Variants in PPAT observed in about 807,000 individuals in gnomAD.
PPAT encodes amidophosphoribosyltransferase.
In PPAT, 20 loss-of-function variants were observed where a neutral mutation model predicts 60.2. The ratio of observed to expected loss-of-function variants is 0.33; its 90% CI spans 0.23 to 0.48. The LOEUF is 0.48. PPAT is among the 20% of genes least tolerant of loss of function. The pLI is 0.99. For missense variants in PPAT, 349 were observed against 629.6 expected, an observed-to-expected ratio of 0.55 and a Z score of 4.77; for synonymous variants, 194 against 215.1, an observed-to-expected ratio of 0.90 and a Z score of 0.86.
rs770028075 is a variant in PPAT, at chr4:56,396,739, C to T, written c.1237G>A (p.Val413Ile). Residue 413 changes from valine to isoleucine, a missense_variant and splice_region_variant, in exon 10 of 11, where the codon GTA becomes ATA. Around this residue, in one of 5 missense-constraint regions of PPAT, gnomAD observed 167 missense variants for 328.6 expected, o/e 0.51. Transcript: ENST00000264220. This position sits in a 1 kb window ranked among gnomAD's most constrained non-coding sequence, Gnocchi z 4.6. Reference protein sequence around the residue: ...KLLKESGAKEVHIRVASPPIK... With the variant: ...KLLKESGAKEIHIRVASPPIK... ...GGTGGTGAAGCTACTCGAATGTGTA[C>T]CTTGGAAAGAAATCATTGCACACAA... The T allele has an allele frequency of 6.2e-7, 1 of 1,607,084 alleles. No individual in the cohort carries two copies.
At chr4:56,434,641 T>C (rs1170593207) in intron 1 of PPAT, among the ~76,000 whole-genome samples, 1 of 152,230 alleles carries the variant, frequency 6.6e-6, no homozygotes, top group African/African-American at 2.4e-5. Context: ...GAGTTAATTT[T>C]TGTCATGTTA....
chr4:56,432,434 G>T (rs557760845), intron 1 of PPAT, among the ~76,000 whole-genome samples: 2 of 147,882 alleles, frequency 1.4e-5, no homozygotes, highest in East Asian at 4.1e-4. Flanking sequence ...AGACAGGTAC[G>T]AGAATCACTT....
chr4:56,412,492 G>T (rs555511417), intron 1 of PPAT, among the ~76,000 whole-genome samples: 2 of 152,096 alleles, frequency 1.3e-5, no homozygotes, highest in South Asian at 4.2e-4. Context: ...TGTGGGATGG[G>T]TTTCCCACCA....
chr4:56,408,900 G>A (rs1229161153), intron 1 of PPAT, among the ~76,000 whole-genome samples: 1 of 152,076 alleles, frequency 6.6e-6, no homozygotes, highest in Non-Finnish European at 1.5e-5. Flanking sequence ...TCAAACTGCT[G>A]TAACTGGGCG....
At position 56,395,469 on chromosome 4, in the gene PPAT, T is replaced by C. The variant is rs1251994805; in HGVS notation, c.1437A>G (p.Lys479=). The part of the protein sequence containing the change: ...VQEGIKFKKQ[K]EKKHDIMIQE... ...GGATCATAATATCGTGCTTTTTCTC[T>C]TTCTGTTTTTTAAACTTTATCCCTT... The change falls in exon 11 of 11, where the codon AAA becomes AAG. Residue 479 remains lysine (K), a synonymous_variant. Coordinates refer to ENST00000264220, the MANE Select transcript of PPAT (RefSeq NM_002703.5). 1.3e-5 allele frequency: 21 copies of C among 1,612,546 alleles called. No homozygotes were observed. The highest frequency in any genetic ancestry group is 1.5e-5 in the Non-Finnish European group (18 of 1,179,270).
rs767352428 is a variant in PPAT, at chr4:56,395,428, C to G, written c.1478G>C (p.Gly493Ala). The G allele has an allele frequency of 6.2e-7, 1 of 1,611,834 alleles. No homozygotes were observed. The highest frequency in any genetic ancestry group is 2.2e-5 in the East Asian group (1 of 44,738). ...ACCACTCTTTTCAAAACATTCCAGA[C>G]CATTTCCATTTTCTTGGATCATAAT... ...HDIMIQENGN[G>A]LECFEKSGHC... The change falls in exon 11 of 11, where the codon GGT becomes GCT. Residue 493 changes from glycine to alanine, a missense_variant. Transcript: ENST00000264220.
chr4:56,419,529 G>A, intron 1 of PPAT: 1 of 313,266 alleles, frequency 3.2e-6, no homozygotes, highest in Non-Finnish European at 4.6e-6. Context: ...GGAGGAAACT[G>A]CTTTCTTTAA....
In PPAT at chr4:56,435,522, G is replaced by T. The variant is rs1273840487; in HGVS notation, c.-45C>A. On this transcript the variant is annotated 5_prime_UTR_variant, in exon 1 of 11. Transcript: ENST00000264220. Reference sequence around the variant, plus strand: ...GGAAGGACCTGCCGCTGCGGCCAAGGTGTAAGCACCAACCAGCTGCCAGCT... The same window carrying T: ...GGAAGGACCTGCCGCTGCGGCCAAGTTGTAAGCACCAACCAGCTGCCAGCT... The T allele has an allele frequency of 6.2e-7, 1 of 1,611,910 alleles. No individual in the cohort carries two copies. Among genetic ancestry groups the T allele is most frequent in the African/African-American group, 1.3e-5 (1 of 74,872 alleles).
chr4:56,432,640 C>T (rs960524812), intron 1 of PPAT, among the ~76,000 whole-genome samples: 1 of 151,238 alleles, frequency 6.6e-6, no homozygotes, highest in Admixed American at 6.6e-5. Flanking sequence ...AAAAAATTAG[C>T]CGGGCGTGGT....
At chr4:56,431,076 A>G (rs895840321) in intron 1 of PPAT, among the ~76,000 whole-genome samples, 2 of 152,190 alleles carry the variant, frequency 1.3e-5, no homozygotes, top group Non-Finnish European at 2.9e-5. Context: ...AACTAAAATC[A>G]AAGACTGGAA....
At chr4:56,413,054 T>C (rs1716543205) in intron 1 of PPAT, among the ~76,000 whole-genome samples, 1 of 152,230 alleles carries the variant, frequency 6.6e-6, no homozygotes, top group Non-Finnish European at 1.5e-5. Context: ...ATACCTTTTG[T>C]CCATTTTTAG....
At chr4:56,425,291 TAGC>T (rs1717231312) in intron 1 of PPAT, 1 of 162,814 alleles carries the variant, frequency 6.1e-6, no homozygotes, top group Non-Finnish European at 1.3e-5. Context: ...TGTATAATCT[TAGC>T]AGTAAAATTA....
chr4:56,395,917 A>G (rs552623017), intron 10 of PPAT, among the ~76,000 whole-genome samples: 44 of 152,286 alleles, frequency 2.9e-4, no homozygotes, highest in African/African-American at 7.0e-4. Context: ...TTTCATCTAT[A>G]TAAGATGGTG....
chr4:56,435,182 C>A (rs777476669), intron 1 of PPAT, among the ~76,000 whole-genome samples, 168 bp downstream of exon 1: 2 of 152,216 alleles, frequency 1.3e-5, no homozygotes, highest in African/African-American at 2.4e-5. Context: ...AAGCGAGGTG[C>A]CCCTCGTGCA....
chr4:56,395,633 A>T, intron 10 of PPAT, 85 bp from the exon 11 acceptor site: 4 of 984,110 alleles, frequency 4.1e-6, no homozygotes, highest in Non-Finnish European at 4.1e-6. Flanking sequence ...TTACAAACAG[A>T]ATAATTTAAG....
chr4:56,397,071 C>G (rs985325419), intron 9 of PPAT, among the ~76,000 whole-genome samples: 6 of 152,156 alleles, frequency 3.9e-5, no homozygotes, highest in African/African-American at 1.4e-4. Context: ...CTTACTACTA[C>G]AACAGAGTTG....
chr4:56,432,388 T>C (rs887576568), intron 1 of PPAT, among the ~76,000 whole-genome samples: 1 of 150,864 alleles, frequency 6.6e-6, no homozygotes, highest in Non-Finnish European at 1.5e-5. Flanking sequence ...ATTACCTGAG[T>C]GTGGTGGCGG....
At position 56,409,191 on chromosome 4, in the gene PPAT, A is replaced by G. The variant is rs183527999; in HGVS notation, c.129-1475T>C. On this transcript the variant is annotated intron_variant, in intron 1 of 10. Transcript: ENST00000264220. ...ATTACCATGCCCATTTTACAGATAA[A>G]CACACTAAAGCAATAGAAAGGAAGT... 1.9e-4 allele frequency among the ~76,000 whole-genome samples: 28 copies of G among 149,284 alleles called. No individual in the cohort carries two copies. The East Asian group carries it at 3.5e-3, about 18-fold the overall frequency.
chr4:56,417,147 C>G (rs1716796882), intron 1 of PPAT, among the ~76,000 whole-genome samples: 1 of 152,314 alleles, frequency 6.6e-6, no homozygotes, highest in Admixed American at 6.5e-5. Flanking sequence ...CTGCACCCGG[C>G]CGCTTCTAAT....
Sources: gnomAD v4.1 joint callset for allele counts (sites outside exome capture counted in the v4.1 genomes callset) on GRCh38, gnomAD v4.1.1 for gene constraint, gnomAD v4.1.1 regional missense constraint, Gnocchi (gnomAD v3.1) non-coding constraint, MANE v1.5 for transcripts, NCBI Gene and HGNC (gene_info 2026-07-23, HGNC 2026-07-21) for gene names.